Variants in RASAL2 observed in about 807,000 individuals in gnomAD.
RASAL2 encodes the protein ras GTPase-activating protein nGAP.
RASAL2 carries 58 observed loss-of-function variants against 128.9 expected under a neutral mutation model. That is an observed-to-expected ratio of 0.45 (90% CI 0.36 to 0.56). The LOEUF (loss-of-function observed/expected upper bound fraction) is 0.56, where lower values mean the gene tolerates loss of function less well. RASAL2 is among the 20% of genes least tolerant of loss of function. RASAL2 has a pLI of 0.00. For missense variants in RASAL2, 1,360 were observed against 1,601.6 expected (o/e 0.85, Z 2.57); for synonymous variants, 561 against 580.8 (o/e 0.97, Z 0.49).
At chr1:178,149,042 C>T (rs1660823067) in intron 1 of RASAL2, among the ~76,000 whole-genome samples, 1 of 151,954 alleles carries the variant, frequency 6.6e-6, no homozygotes, top group South Asian at 2.1e-4. Flanking sequence ...GTATAGATGA[C>T]AGAAGTATTT....
chr1:178,323,124 G>A (rs971688900), intron 3 of RASAL2, among the ~76,000 whole-genome samples: 4 of 151,684 alleles, frequency 2.6e-5, no homozygotes, highest in Admixed American at 2.6e-4. Context: ...TTTTGTTTGT[G>A]ATAAACAGTA....
chr1:178,456,937 CATA>C (rs751037591), intron 13 of RASAL2, 38 bp downstream of exon 13: 3 of 1,581,914 alleles, frequency 1.9e-6, no homozygotes, highest in East Asian at 2.2e-5. Context: ...CTCGGAGAAA[CATA>C]ATGTTTAGAT....
chr1:178,294,467 C>G (rs1189339889), intron 2 of RASAL2, among the ~76,000 whole-genome samples: 1 of 152,136 alleles, frequency 6.6e-6, no homozygotes, highest in Non-Finnish European at 1.5e-5. Context: ...CAGGCAGATA[C>G]CAGTGAAGAA....
chr1:178,470,076 T>C (rs1005465183), intron 17 of RASAL2, among the ~76,000 whole-genome samples: 1 of 152,272 alleles, frequency 6.6e-6, no homozygotes, highest in Non-Finnish European at 1.5e-5. Flanking sequence ...AAACATCCTT[T>C]GGCATTCTTT....
chr1:178,138,473 T>C (rs1191650100), intron 1 of RASAL2, among the ~76,000 whole-genome samples: 3 of 152,206 alleles, frequency 2.0e-5, no homozygotes, highest in East Asian at 1.9e-4. Context: ...TAAGGCATCA[T>C]AGACAGCACT....
At chr1:178,313,949 T>C (rs1668378804) in intron 3 of RASAL2, among the ~76,000 whole-genome samples, 1 of 152,184 alleles carries the variant, frequency 6.6e-6, no homozygotes, top group Admixed American at 6.6e-5. Context: ...CAACCTCTAT[T>C]GGATGCTTCA....
chr1:178,103,485 A>G (rs1294254142), intron 1 of RASAL2, among the ~76,000 whole-genome samples: 1 of 152,172 alleles, frequency 6.6e-6, no homozygotes, highest in Non-Finnish European at 1.5e-5. Flanking sequence ...CGCCCGCAAT[A>G]TATGAGAGTG....
rs1372554037 is a variant in RASAL2, at chr1:178,356,945, A to T, written c.458-33155A>T. Among the ~76,000 whole-genome samples the T allele has an allele frequency of 2.0e-5, 3 of 152,120 alleles. No individual in the cohort carries two copies. In the East Asian group the frequency reaches 5.8e-4, roughly 29 times the overall value. On this transcript the variant is annotated intron_variant, in intron 3 of 17. Coordinates refer to ENST00000367649, the MANE Select transcript of RASAL2 (RefSeq NM_170692.4). Reference sequence around the variant, plus strand: ...ATCCTTAAAGGCTGCATCTTATTCCATTGTAGATTTATCTGTTCCCCTCCT... The same window carrying T: ...ATCCTTAAAGGCTGCATCTTATTCCTTTGTAGATTTATCTGTTCCCCTCCT...
rs555109174 is a variant in RASAL2 at position 178,467,012 on chromosome 1, A to G, written c.3591-322A>G. ...AGTGGGCCAGGTTTAGGGTAACTTG[A>G]GATTAAGAGAGGGTTGTTTGTTTTT... On this transcript the variant is annotated intron_variant, in intron 16 of 17. Transcript: ENST00000367649. 1.8e-4 allele frequency among the ~76,000 whole-genome samples: 27 copies of G among 152,304 alleles called. No individual in the cohort carries two copies. In the East Asian group the frequency reaches 5.2e-3, roughly 29 times the overall value.
At chr1:178,394,769 C>T (rs1673114919) in intron 4 of RASAL2, among the ~76,000 whole-genome samples, 1 of 152,146 alleles carries the variant, frequency 6.6e-6, no homozygotes, top group African/African-American at 2.4e-5. Flanking sequence ...AAGGCAGTAG[C>T]TGAATATTCC....
chr1:178,153,380 TAC>T (rs1195920755), intron 1 of RASAL2, among the ~76,000 whole-genome samples: 1 of 152,228 alleles, frequency 6.6e-6, no homozygotes, highest in African/African-American at 2.4e-5. Context: ...TAGGTATAGT[TAC>T]AGTTTTACAA....
intron 1 of RASAL2, among the ~76,000 whole-genome samples, chr1:178,227,090 A>G (rs1353791425): frequency 6.6e-6 from 1 of 152,174 alleles, no homozygotes; most frequent in Non-Finnish European, 1.5e-5. Flanking sequence ...GTGGTGTTAC[A>G]GCATTACTTG....
chr1:178,172,768 C>T (rs1356663034), intron 1 of RASAL2, among the ~76,000 whole-genome samples: 1 of 151,972 alleles, frequency 6.6e-6, no homozygotes, highest in Non-Finnish European at 1.5e-5. Context: ...ATCATAATTG[C>T]AGTATTTCCA....
intron 2 of RASAL2, among the ~76,000 whole-genome samples, chr1:178,296,091 G>GTA (rs551999060): frequency 2.0e-5 from 3 of 150,972 alleles, no homozygotes; most frequent in Non-Finnish European, 4.4e-5. Flanking sequence ...ATATGTGTGT[G>GTA]TATATATATG....
At chr1:178,417,700 G>A (rs1190760191) in intron 4 of RASAL2, among the ~76,000 whole-genome samples, 6 of 149,998 alleles carry the variant, frequency 4.0e-5, no homozygotes, top group South Asian at 2.1e-4. Flanking sequence ...CGGAGGTTGC[G>A]GTGAGCCGAG....
chr1:178,433,969 A>G (rs996271643), intron 5 of RASAL2, among the ~76,000 whole-genome samples: 11 of 151,906 alleles, frequency 7.2e-5, no homozygotes, highest in African/African-American at 2.7e-4. Context: ...TTCCTCTCTT[A>G]TCCTTCTACC....
At chr1:178,179,152 A>G (rs184213215) in intron 1 of RASAL2, among the ~76,000 whole-genome samples, 2 of 152,256 alleles carry the variant, frequency 1.3e-5, no homozygotes, top group East Asian at 3.9e-4. Context: ...TCTTTGGGGT[A>G]AAAGTTCTGA....
chr1:178,263,599 G>GAAA (rs1415091739), intron 1 of RASAL2, among the ~76,000 whole-genome samples: 2 of 152,122 alleles, frequency 1.3e-5, no homozygotes, highest in Non-Finnish European at 2.9e-5. Context: ...AACTCTTTCT[G>GAAA]GTGTGTTAAC....
intron 1 of RASAL2, among the ~76,000 whole-genome samples, chr1:178,235,232 C>T (rs1664179572): frequency 6.6e-6 from 1 of 152,096 alleles, no homozygotes; most frequent in African/African-American, 2.4e-5. Flanking sequence ...ACAATCAGTT[C>T]CTCTCAATGG....
Sources: gnomAD v4.1 joint callset for allele counts (sites outside exome capture counted in the v4.1 genomes callset) on GRCh38, gnomAD v4.1.1 for gene constraint, MANE v1.5 for transcripts, NCBI Gene and HGNC (gene_info 2026-07-23, HGNC 2026-07-21) for gene names.